The following CSMD1 variants were observed in gnomAD, a reference collection of about 807,000 sequenced individuals.
CSMD1 encodes the protein CUB and Sushi multiple domains 1, also known as CUB and sushi domain-containing protein 1.
CSMD1 carries 213 observed loss-of-function variants against 417.5 expected under a neutral mutation model. The ratio of observed to expected loss-of-function variants is 0.51; its 90% CI spans 0.46 to 0.57. The LOEUF (loss-of-function observed/expected upper bound fraction) is 0.57. Among genes scored for constraint, CSMD1 ranks in the 20% least tolerant of loss-of-function variants. The pLI, the probability that CSMD1 is intolerant of heterozygous loss-of-function variation, is 0.00. For missense variants in CSMD1, 6,923 were observed against 4,529.7 expected, an observed-to-expected ratio of 1.53 and a Z score of -15.17; for synonymous variants, 2,862 against 1,736.8, an observed-to-expected ratio of 1.65 and a Z score of -16.11.
chr8:3,606,344 T>G (rs887822705), intron 8 of CSMD1, among the ~76,000 whole-genome samples: 1 of 152,168 alleles, frequency 6.6e-6, no homozygotes, highest in African/African-American at 2.4e-5. Context: ...TGGTACAGCC[T>G]AGTCCTCCCA....
rs1554525004 is a variant in CSMD1 at position 3,733,205 on chromosome 8, A to ACACACACACTCT, written c.931+20724_931+20725insAGAGTGTGTGTG. 9.2e-5 allele frequency among the ~76,000 whole-genome samples: 8 copies of ACACACACACTCT among 87,094 alleles called. No homozygotes were observed. The East Asian group carries it at 1.2e-3, about 13-fold the overall frequency. 57.1% of individuals were successfully genotyped at this position (87,094 alleles called of 152,430 possible). On this transcript the variant is annotated intron_variant, in intron 6 of 69. Coordinates refer to ENST00000635120, the MANE Select transcript of CSMD1 (RefSeq NM_033225.6). ...CACACACACACACACACACACACAC[A>ACACACACACTCT]CTCTCTCTCTCTCATACATACACAT...
chr8:4,892,994 T>A (rs1420263459), intron 1 of CSMD1, among the ~76,000 whole-genome samples: 4 of 152,134 alleles, frequency 2.6e-5, no homozygotes, highest in Non-Finnish European at 5.9e-5. Context: ...GCTTGCACGG[T>A]GTGATACTGC....
Position 3,235,916 on chromosome 8 carries a change from G to GTTTTTTTTTTTTTT in CSMD1, c.4154-5699_4154-5686dup, listed in dbSNP as rs11414439. Among the ~76,000 whole-genome samples, 69 of 119,318 alleles carry GTTTTTTTTTTTTTT rather than the reference G, an allele frequency of 5.8e-4. 3 individuals carry two copies. Among genetic ancestry groups the GTTTTTTTTTTTTTT allele is most frequent in the East Asian group, 5.2e-3 (20 of 3,848 alleles). The allele number at this position is 119,318 out of a possible 152,430, so 78.3% of individuals were successfully genotyped here. A position where few individuals can be genotyped will look rare whatever the true frequency, so the allele number is the denominator to read the frequency against. On this transcript the variant is annotated intron_variant, in intron 26 of 69. Coordinates refer to ENST00000635120, the MANE Select transcript of CSMD1 (RefSeq NM_033225.6). The stretch of plus-strand genomic sequence containing the variant: ...TTATGCCAGTTATATGAAGATGTAA[G>GTTTTTTTTTTTTTT]TTTTTTTTTTTTTTTTTTTGAGACA...
intron 3 of CSMD1, among the ~76,000 whole-genome samples, chr8:4,418,415 G>C (rs1212556528): frequency 6.6e-6 from 1 of 152,004 alleles, no homozygotes; most frequent in African/African-American, 2.4e-5. Flanking sequence ...ATATTTGATA[G>C]AATTATTCAT....
chr8:4,299,714 CCT>C (rs897888948), intron 3 of CSMD1, among the ~76,000 whole-genome samples: 13 of 152,122 alleles, frequency 8.5e-5, no homozygotes, highest in Admixed American at 3.9e-4. Flanking sequence ...CACTGCAACC[CCT>C]GACTCCCCAT....
chr8:2,997,266 G>T lies in CSMD1; in HGVS notation c.8377+745C>A, dbSNP rs189600838. Among the ~76,000 whole-genome samples the T allele has an allele frequency of 2.4e-3, 371 of 152,346 alleles. 3 individuals carry two copies. Among genetic ancestry groups the T allele is most frequent in the African/African-American group, 8.4e-3 (351 of 41,574 alleles). On this transcript the variant is annotated intron_variant, in intron 54 of 69. Transcript: ENST00000635120. ...TTTAGACCTGAGCCAGAACTCTGCAGCTGAGTAGCCAACTTCTATACAACT... is the reference window on the plus strand; with the variant it reads ...TTTAGACCTGAGCCAGAACTCTGCATCTGAGTAGCCAACTTCTATACAACT...
chr8:3,581,612 C>G (rs1004983854), intron 9 of CSMD1, among the ~76,000 whole-genome samples: 1 of 152,162 alleles, frequency 6.6e-6, no homozygotes, highest in African/African-American at 2.4e-5. Context: ...CCTTGAGAAT[C>G]AGTCCTTCCT....
intron 5 of CSMD1, among the ~76,000 whole-genome samples, chr8:3,891,573 G>C (rs1207477375): frequency 1.3e-5 from 2 of 152,016 alleles, no homozygotes; most frequent in Non-Finnish European, 2.9e-5. Context: ...GTCTCAACTA[G>C]TTGGGAGGCT....
At chr8:4,798,995 C>A (rs1798132835) in intron 1 of CSMD1, among the ~76,000 whole-genome samples, 1 of 152,194 alleles carries the variant, frequency 6.6e-6, no homozygotes, top group African/African-American at 2.4e-5. Flanking sequence ...CCTCCTTCCT[C>A]AACTCCTCCA....
At chr8:3,419,070 T>C (rs1553183) in intron 12 of CSMD1, among the ~76,000 whole-genome samples, 49,338 of 152,138 alleles carry the variant, frequency 0.32, 8,387 homozygotes, top group South Asian at 0.42. Flanking sequence ...TCTGTTGCCA[T>C]TGTTTAAGGC....
At chr8:3,986,563 C>A (rs1051067622) in intron 5 of CSMD1, among the ~76,000 whole-genome samples, 2 of 152,110 alleles carry the variant, frequency 1.3e-5, no homozygotes, top group African/African-American at 4.8e-5. Context: ...TTATAAGTAT[C>A]TTAATCTTTC....
At chr8:3,957,754 A>G (rs1293473449) in intron 5 of CSMD1, among the ~76,000 whole-genome samples, 1 of 152,102 alleles carries the variant, frequency 6.6e-6, no homozygotes, top group African/African-American at 2.4e-5. Flanking sequence ...GAAAAAAGAA[A>G]AGTATGAATA....
At chr8:4,454,561 G>GCAA (rs1799354958) in intron 2 of CSMD1, among the ~76,000 whole-genome samples, 2 of 152,186 alleles carry the variant, frequency 1.3e-5, no homozygotes, top group African/African-American at 4.8e-5. Context: ...CCTTTGCACA[G>GCAA]AGTAGACCCA....
intron 1 of CSMD1, among the ~76,000 whole-genome samples, chr8:4,945,592 C>G (rs998441339): frequency 6.6e-6 from 1 of 151,108 alleles, no homozygotes; most frequent in African/African-American, 2.4e-5. Context: ...CTCAGTAAAT[C>G]TCTGGATAAG....
At chr8:3,889,726 G>T (rs542355457) in intron 5 of CSMD1, among the ~76,000 whole-genome samples, 1 of 151,606 alleles carries the variant, frequency 6.6e-6, no homozygotes, top group African/African-American at 2.4e-5. Context: ...TGGATTTTGT[G>T]AAACAGACTT....
chr8:4,471,139 A>C (rs1442053563), intron 2 of CSMD1, among the ~76,000 whole-genome samples: 1 of 152,222 alleles, frequency 6.6e-6, no homozygotes, highest in Non-Finnish European at 1.5e-5. Flanking sequence ...CCTTCAACAG[A>C]ACAGAACCAT....
intron 5 of CSMD1, among the ~76,000 whole-genome samples, chr8:3,828,036 G>C (rs555737555): frequency 3.7e-4 from 56 of 152,292 alleles, no homozygotes; most frequent in African/African-American, 1.3e-3. Flanking sequence ...GGATTTGTGT[G>C]TGATATACTC....
chr8:3,283,466 T>G (rs1294761556), intron 26 of CSMD1, among the ~76,000 whole-genome samples: 1 of 152,054 alleles, frequency 6.6e-6, no homozygotes, highest in Non-Finnish European at 1.5e-5. Flanking sequence ...ACTAAGTAGG[T>G]CCATTGCTGG....
intron 48 of CSMD1, among the ~76,000 whole-genome samples, chr8:3,087,535 T>C (rs1177126933): frequency 1.3e-5 from 2 of 152,140 alleles, no homozygotes; most frequent in Non-Finnish European, 2.9e-5. Context: ...TACAGTACTG[T>C]GAGAAACATC....
Sources: gnomAD v4.1 joint callset for allele counts (sites outside exome capture counted in the v4.1 genomes callset) on GRCh38, gnomAD v4.1.1 for gene constraint, MANE v1.5 for transcripts, NCBI Gene and HGNC (gene_info 2026-07-23, HGNC 2026-07-21) for gene names.